Variants in GPR37L1 observed in about 807,000 individuals in gnomAD.
GPR37L1 encodes G protein-coupled receptor 37-like 1.
In GPR37L1, 18 loss-of-function variants were observed where a neutral mutation model predicts 18.0. The ratio of observed to expected loss-of-function variants is 1.00; its 90% CI spans 0.69 to 1.49. The LOEUF is 1.49. GPR37L1 is among the 40% of genes most tolerant of loss of function. The pLI is 0.00. For missense variants in GPR37L1, 558 were observed against 615.1 expected (o/e 0.91, Z 0.98); for synonymous variants, 256 against 273.9 (o/e 0.93, Z 0.65).
chr1:202,126,432 G>A (rs11588918), intron 1 of GPR37L1, among the ~76,000 whole-genome samples: 91,662 of 151,738 alleles, frequency 0.6, 32,109 homozygotes, highest in Non-Finnish European at 0.79. Context: ...AGAGAATGGC[G>A]TTTCTACCCA....
Position 202,128,877 on chromosome 1 carries a change from T to A in GPR37L1, c.*321T>A. Reference sequence around the variant, plus strand: ...TTGGTTCCAGTCTCTCTTCTCTCTCTCTGCCTTGGAACCTGACCATACTTT... The same window carrying A: ...TTGGTTCCAGTCTCTCTTCTCTCTCACTGCCTTGGAACCTGACCATACTTT... On this transcript the variant is annotated 3_prime_UTR_variant, in exon 2 of 2. Transcript: ENST00000367282. 3.8e-6 allele frequency: 1 copy of A among 264,786 alleles called. No homozygotes were observed. Among genetic ancestry groups the A allele is most frequent in the Admixed American group, 4.8e-5 (1 of 20,758 alleles). 16.4% of individuals were successfully genotyped at this position (264,786 alleles called of 1,614,324 possible).
intron 1 of GPR37L1, among the ~76,000 whole-genome samples, chr1:202,124,682 C>T (rs541914378): frequency 5.3e-5 from 8 of 152,262 alleles, no homozygotes; most frequent in South Asian, 2.1e-4. Context: ...CTTGCCTGGC[C>T]GGAGAAGGGC....
chr1:202,125,181 C>T (rs1015631098), intron 1 of GPR37L1, among the ~76,000 whole-genome samples: 5 of 146,138 alleles, frequency 3.4e-5, no homozygotes, highest in African/African-American at 5.0e-5. Context: ...AAAAAAAGAC[C>T]CTGCAACTGG....
rs767423544 is a variant in GPR37L1, at chr1:202,128,462, C to T, written c.1352C>T (p.Ser451Leu). 3.9e-5 allele frequency: 63 copies of T among 1,609,802 alleles called. No homozygotes were observed. In the East Asian group the frequency reaches 7.8e-4, roughly 20 times the overall value. Residue 451 changes from serine (S) to leucine (L), a missense_variant, in exon 2 of 2, where the codon TCG (serine) becomes TTG (leucine). By Grantham distance (145) the Ser-to-Leu change is moderately radical. Coordinates refer to ENST00000367282, the MANE Select transcript of GPR37L1 (RefSeq NM_004767.5). ...GASEASAANG[S>L]DNKLKTEVSS... ...TCGGAGGCCTCTGCTGCCAATGGGT[C>T]GGACAACAAGCTCAAGACCGAGGTG...
rs768602117 is a variant in GPR37L1, at chr1:202,127,736, C to T, written c.631-5C>T. The T allele has an allele frequency of 7.0e-5, 108 of 1,547,288 alleles. No homozygotes were observed. The highest frequency in any genetic ancestry group is 9.2e-5 in the Non-Finnish European group (105 of 1,144,548). ...CTTCTCTCTTCCCTCACATCCTGCCCACAGGTCTCCTCTCTGGGAGTCACG... is the reference window on the plus strand; with the variant it reads ...CTTCTCTCTTCCCTCACATCCTGCCTACAGGTCTCCTCTCTGGGAGTCACG... On this transcript the variant is annotated splice_region_variant and splice_polypyrimidine_tract_variant and intron_variant, in intron 1 of 1. Coordinates refer to ENST00000367282, the MANE Select transcript of GPR37L1 (RefSeq NM_004767.5).
At position 202,129,808 on chromosome 1, in the gene GPR37L1, G is replaced by T. The variant is rs933796615; in HGVS notation, c.*1252G>T. On this transcript the variant is annotated 3_prime_UTR_variant, in exon 2 of 2. Transcript: ENST00000367282. ...CAAAAGCCTGGAAAATATCTCCTCTGGAGCCTTCATCTCTGCTATGCCCTC... is the reference window on the plus strand; with the variant it reads ...CAAAAGCCTGGAAAATATCTCCTCTTGAGCCTTCATCTCTGCTATGCCCTC... 1 of 152,372 alleles carries T rather than the reference G, an allele frequency of 6.6e-6. No homozygotes were observed. The highest frequency in any genetic ancestry group is 2.4e-5 in the African/African-American group (1 of 41,444). 9.4% of individuals were successfully genotyped at this position (152,372 alleles called of 1,614,324 possible).
In GPR37L1 at chr1:202,131,599, G is replaced by A. The variant is rs6658280; in HGVS notation, c.*3043G>A. On this transcript the variant is annotated 3_prime_UTR_variant, in exon 2 of 2. Coordinates refer to ENST00000367282, the MANE Select transcript of GPR37L1 (RefSeq NM_004767.5). ...CATTCAACTTTAATAGGTTATGTGT[G>A]TTTTTTTTTTCTTAAGAGCTGGGTG... 6.7e-6 allele frequency: 1 copy of A among 149,304 alleles called. No individual in the cohort carries two copies. The highest frequency in any genetic ancestry group is 2.5e-5 in the African/African-American group (1 of 40,726). 9.2% of individuals were successfully genotyped at this position (149,304 alleles called of 1,614,324 possible). A position where few individuals can be genotyped will look rare whatever the true frequency, so the allele number is the denominator to read the frequency against.
Position 202,128,245 on chromosome 1 carries a change from A to T in GPR37L1, c.1135A>T (p.Asn379Tyr). Residue 379 changes from asparagine to tyrosine, a missense_variant, in exon 2 of 2, where the codon AAC (asparagine) becomes TAC (tyrosine). Asn to Tyr is a moderately radical substitution (Grantham distance 143). Transcript: ENST00000367282. ...AFCTLPENVCNIVVAYLSTEL... is the reference protein window; with the variant it reads ...AFCTLPENVCYIVVAYLSTEL... ...CTGCACCCTCCCAGAGAACGTCTGC[A>T]ACATCGTGGTGGCCTACCTCTCCAC... The T allele has an allele frequency of 6.2e-7, 1 of 1,613,934 alleles. No individual in the cohort carries two copies. Among genetic ancestry groups the T allele is most frequent in the Non-Finnish European group, 8.5e-7 (1 of 1,179,998 alleles).
rs1450313604 is a variant in GPR37L1, at chr1:202,123,500, C to T, written c.537C>T (p.Val179=). The change falls in exon 1 of 2, where the codon GTC becomes GTT. Residue 179 remains valine, a synonymous_variant. Transcript: ENST00000367282. Reference sequence around the variant, plus strand: ...GCCTGGCCCTCTGGGATTTTCTGGTCCTCTTTTTCTGCCTCCCTATTGTCA... The same window carrying T: ...GCCTGGCCCTCTGGGATTTTCTGGTTCTCTTTTTCTGCCTCCCTATTGTCA... ...LASLALWDFL[V]LFFCLPIVIF... is the part of the protein sequence containing the mutation. 2 of 1,613,794 alleles carry T rather than the reference C, an allele frequency of 1.2e-6. No homozygotes were observed. Among genetic ancestry groups the T allele is most frequent in the African/African-American group, 2.7e-5 (2 of 74,848 alleles).
Position 202,123,452 on chromosome 1 carries a change from T to C in GPR37L1, c.489T>C (p.Ser163=), listed in dbSNP as rs7516762. Residue 163 remains serine, a synonymous_variant, in exon 1 of 2, where the codon AGT becomes AGC. Transcript: ENST00000367282. ...CIVWHSYYLK[S]AWNSILASLA... ...TGTGGCACAGCTACTACCTGAAGAG[T>C]GCCTGGAACTCCATCCTTGCCAGCC... 1,438,561 of 1,613,850 alleles carry C rather than the reference T, an allele frequency of 0.89. 642,835 individuals are homozygous for C. The highest frequency in any genetic ancestry group is 0.92 in the South Asian group (83,758 of 91,064).
At position 202,133,178 on chromosome 1, in the gene GPR37L1, G is replaced by A. The variant is rs536536345; in HGVS notation, c.*4622G>A. On this transcript the variant is annotated 3_prime_UTR_variant, in exon 2 of 2. Coordinates refer to ENST00000367282, the MANE Select transcript of GPR37L1 (RefSeq NM_004767.5). ...AGTGGCAGCTGCTGGCTCAAAGCTG[G>A]GACTACATGAAAGTCTGAAAAGAGA... 3.9e-5 allele frequency: 6 copies of A among 152,444 alleles called. No homozygotes were observed. The South Asian group carries it at 6.2e-4, about 16-fold the overall frequency. 9.4% of individuals were successfully genotyped at this position (152,444 alleles called of 1,614,324 possible).
chr1:202,126,838 C>CGTGCATGTGTGT (rs1553315417), intron 1 of GPR37L1, among the ~76,000 whole-genome samples: 1 of 146,352 alleles, frequency 6.8e-6, no homozygotes, highest in African/African-American at 2.5e-5. Flanking sequence ...CAGAAACGTG[C>CGTGCATGTGTGT]GTGTGTGTGT....
chr1:202,128,042 G>C lies in GPR37L1; in HGVS notation c.932G>C (p.Trp311Ser). 1 of 1,614,148 alleles carries C rather than the reference G, an allele frequency of 6.2e-7. No homozygotes were observed. Among genetic ancestry groups the C allele is most frequent in the South Asian group, 1.1e-5 (1 of 91,088 alleles). ...LVMTYQNARM[W>S]WYFGCYFCLP... ...ATGACCTACCAGAACGCCCGCATGT[G>C]GTGGTACTTTGGCTGCTACTTCTGC... The change falls in exon 2 of 2, where the codon TGG becomes TCG. Residue 311 changes from tryptophan to serine, a missense_variant. By Grantham distance (177) the Trp-to-Ser change is radical. Transcript: ENST00000367282.
At position 202,130,731 on chromosome 1, in the gene GPR37L1, C is replaced by T. The variant is rs144507818; in HGVS notation, c.*2175C>T. ...CTGAAGCTCTTGGGGACCGTTTCCT[C>T]GGCATTTCCCCAACTCCTTCTCCAC... On this transcript the variant is annotated 3_prime_UTR_variant, in exon 2 of 2. Coordinates refer to ENST00000367282, the MANE Select transcript of GPR37L1 (RefSeq NM_004767.5). 1.3e-5 allele frequency: 2 copies of T among 152,392 alleles called. No homozygotes were observed. The highest frequency in any genetic ancestry group is 4.8e-5 in the African/African-American group (2 of 41,548). 9.4% of individuals were successfully genotyped at this position (152,392 alleles called of 1,614,324 possible).
intron 1 of GPR37L1, among the ~76,000 whole-genome samples, chr1:202,127,095 T>C (rs1410359749): frequency 6.6e-6 from 1 of 152,114 alleles, no homozygotes; most frequent in Non-Finnish European, 1.5e-5. Context: ...GGCAGACATG[T>C]GTGTAAACCT....
intron 1 of GPR37L1, among the ~76,000 whole-genome samples, chr1:202,126,824 G>A (rs1159505269): frequency 7.3e-6 from 1 of 137,044 alleles, no homozygotes; most frequent in Non-Finnish European, 1.6e-5. Flanking sequence ...GACAGGGCCA[G>A]GAGCAGAAAC....
intron 1 of GPR37L1, 72 bp downstream of exon 1, chr1:202,123,665 G>A: frequency 7.1e-7 from 1 of 1,403,658 alleles, no homozygotes; most frequent in South Asian, 1.4e-5. Context: ...TCTCCATCAG[G>A]TCTTTGGAAA....
chr1:202,128,868 T>G lies in GPR37L1; in HGVS notation c.*312T>G. 1 of 283,424 alleles carries G rather than the reference T, an allele frequency of 3.5e-6. No individual in the cohort carries two copies. The highest frequency in any genetic ancestry group is 6.6e-6 in the Non-Finnish European group (1 of 151,646). The allele number at this position is 283,424 out of a possible 1,614,324, so 17.6% of individuals were successfully genotyped here. On this transcript the variant is annotated 3_prime_UTR_variant, in exon 2 of 2. Coordinates refer to ENST00000367282, the MANE Select transcript of GPR37L1 (RefSeq NM_004767.5). Reference sequence around the variant, plus strand: ...TGCCCTCCCTTGGTTCCAGTCTCTCTTCTCTCTCTCTGCCTTGGAACCTGA... The same window carrying G: ...TGCCCTCCCTTGGTTCCAGTCTCTCGTCTCTCTCTCTGCCTTGGAACCTGA...
rs986888532 is a variant in GPR37L1 at position 202,130,976 on chromosome 1, T to A, written c.*2420T>A. On this transcript the variant is annotated 3_prime_UTR_variant, in exon 2 of 2. Coordinates refer to ENST00000367282, the MANE Select transcript of GPR37L1 (RefSeq NM_004767.5). ...GCTCCAAGGCTCTGCCACCGCCACC[T>A]CCCAAGCCTGCCAACGTGAATGGCT... The A allele has an allele frequency of 5.3e-5, 8 of 152,216 alleles. No individual in the cohort carries two copies. Among genetic ancestry groups the A allele is most frequent in the African/African-American group, 1.9e-4 (8 of 41,462 alleles). The allele number at this position is 152,216 out of a possible 1,614,324, so 9.4% of individuals were successfully genotyped here. A position where few individuals can be genotyped will look rare whatever the true frequency, so the allele number is the denominator to read the frequency against.
Sources: gnomAD v4.1 joint callset for allele counts (sites outside exome capture counted in the v4.1 genomes callset) on GRCh38, gnomAD v4.1.1 for gene constraint, MANE v1.5 for transcripts, NCBI Gene and HGNC (gene_info 2026-07-23, HGNC 2026-07-21) for gene names.